LIPH: variants seen among roughly 807,000 people sequenced by gnomAD.
LIPH encodes lipase member H.
Under a neutral mutation model 47.6 loss-of-function variants are expected in LIPH, and 32 were observed. The observed-to-expected ratio is 0.67, with a 90% confidence interval of 0.51 to 0.90. The LOEUF (loss-of-function observed/expected upper bound fraction) is 0.90. Ranked by LOEUF, LIPH falls within the 40% of genes least tolerant of loss-of-function variation. The pLI is 0.00. For missense variants in LIPH, 497 were observed against 541.4 expected (o/e 0.92, Z 0.81); for synonymous variants, 190 against 195.6 (o/e 0.97, Z 0.24).
At chr3:185,529,924 A>AAGAAAGAAAGAGAGAAAGAG (rs1352603835) in intron 3 of LIPH, among the ~76,000 whole-genome samples, 2 of 44,176 alleles carry the variant, frequency 4.5e-5, no homozygotes, top group African/African-American at 1.2e-4. Flanking sequence ...GAAAGAAAGA[A>AAGAAAGAAAGAGAGAAAGAG]AGAAAGAAAG....
chr3:185,522,672 AAGAAAGAAAGAAAGAAAG>A (rs1719943251), intron 5 of LIPH, among the ~76,000 whole-genome samples: 2 of 140,452 alleles, frequency 1.4e-5, no homozygotes, highest in Non-Finnish European at 3.0e-5. Context: ...GAAAGAAAGA[AAGAAAGAAAGAAAGAAAG>A]AAAGAAAGAA....
At chr3:185,547,251 G>A (rs1242248422) in intron 1 of LIPH, among the ~76,000 whole-genome samples, 3 of 152,130 alleles carry the variant, frequency 2.0e-5, no homozygotes, top group African/African-American at 7.2e-5. Context: ...AATTCTGTAG[G>A]ACATGTAGAA....
chr3:185,530,631 C>A (rs1720304881), intron 3 of LIPH, among the ~76,000 whole-genome samples: 1 of 152,002 alleles, frequency 6.6e-6, no homozygotes. Context: ...GATCGTGACA[C>A]TGTAATACAG....
At chr3:185,528,159 G>A (rs1176681683) in intron 3 of LIPH, among the ~76,000 whole-genome samples, 1 of 151,538 alleles carries the variant, frequency 6.6e-6, no homozygotes, top group Non-Finnish European at 1.5e-5. Flanking sequence ...GGGAGGCAGA[G>A]GTTACAGTGA....
intron 1 of LIPH, among the ~76,000 whole-genome samples, chr3:185,539,259 G>T (rs1720625570): frequency 6.6e-6 from 1 of 151,994 alleles, no homozygotes; most frequent in Non-Finnish European, 1.5e-5. Context: ...GAGCCACTGT[G>T]CCCAGCCTCA....
chr3:185,548,493 C>T (rs941902564), intron 1 of LIPH, among the ~76,000 whole-genome samples: 2 of 151,818 alleles, frequency 1.3e-5, no homozygotes, highest in African/African-American at 2.4e-5. Context: ...TTTGGGAGGC[C>T]GAGGTAGGTG....
chr3:185,549,339 C>T (rs1248845532), intron 1 of LIPH, among the ~76,000 whole-genome samples: 1 of 152,104 alleles, frequency 6.6e-6, no homozygotes, highest in Admixed American at 6.6e-5. Flanking sequence ...TGCACATTCA[C>T]ACCCCCTCAT....
chr3:185,541,326 C>T (rs1277194483), intron 1 of LIPH, among the ~76,000 whole-genome samples: 1 of 152,086 alleles, frequency 6.6e-6, no homozygotes, highest in Non-Finnish European at 1.5e-5. Flanking sequence ...TACATACACC[C>T]CTGGAAGCAT....
In LIPH at chr3:185,552,442, C is replaced by A; in HGVS notation, c.30G>T (p.Leu10Phe). The change falls in exon 1 of 10, where the codon TTG (leucine) becomes TTT (phenylalanine). Residue 10 changes from leucine to phenylalanine, a missense_variant. Coordinates refer to ENST00000296252, the MANE Select transcript of LIPH (RefSeq NM_139248.3). ...ACCTACCTGATCTTGACAAGCACAA[C>A]AAACTGATGAATAAGTAGAATCTCA... MLRFYLFISLLCLSRSDAEE... is the reference protein window; with the variant it reads MLRFYLFISFLCLSRSDAEE... 1 of 1,609,386 alleles carries A rather than the reference C, an allele frequency of 6.2e-7. No individual in the cohort carries two copies. Among genetic ancestry groups the A allele is most frequent in the Non-Finnish European group, 8.5e-7 (1 of 1,175,740 alleles).
chr3:185,550,878 A>T (rs995269435), intron 1 of LIPH, among the ~76,000 whole-genome samples: 3 of 151,952 alleles, frequency 2.0e-5, no homozygotes, highest in Non-Finnish European at 1.5e-5. Context: ...ATTTATCTTA[A>T]TTTTTTTAAT....
At chr3:185,521,574 G>A (rs886508439) in intron 5 of LIPH, among the ~76,000 whole-genome samples, 6 of 152,128 alleles carry the variant, frequency 3.9e-5, no homozygotes, top group Admixed American at 2.6e-4. Flanking sequence ...CAAAGGCAAC[G>A]GGGCCTGGCA....
At chr3:185,533,477 C>A in intron 3 of LIPH, 94 bp downstream of exon 3, 2 of 839,670 alleles carry the variant, frequency 2.4e-6, no homozygotes, top group Non-Finnish European at 4.2e-6. Flanking sequence ...TTGGAGCTGG[C>A]TTTGAACCCA....
chr3:185,522,018 T>C (rs1457020153), intron 5 of LIPH, among the ~76,000 whole-genome samples: 4 of 152,150 alleles, frequency 2.6e-5, no homozygotes, highest in African/African-American at 9.7e-5. Flanking sequence ...ACTGCTGAAA[T>C]AGAACCATCA....
intron 3 of LIPH, among the ~76,000 whole-genome samples, chr3:185,531,587 A>T (rs933981498): frequency 6.6e-6 from 1 of 150,884 alleles, no homozygotes; most frequent in African/African-American, 2.4e-5. Flanking sequence ...GAAGACTTAT[A>T]AAAGGACTCC....
At chr3:185,529,617 G>A (rs985184823) in intron 3 of LIPH, among the ~76,000 whole-genome samples, 1 of 151,284 alleles carries the variant, frequency 6.6e-6, no homozygotes, top group Non-Finnish European at 1.5e-5. Flanking sequence ...TCAGCTGGTC[G>A]CAGTGGCTTA....
chr3:185,541,158 T>G (rs1427365687), intron 1 of LIPH, among the ~76,000 whole-genome samples: 3 of 152,234 alleles, frequency 2.0e-5, no homozygotes, highest in African/African-American at 7.2e-5. Context: ...AGTTTCAAAA[T>G]AAATGTTTAA....
chr3:185,545,575 C>T (rs1720845146), intron 1 of LIPH, among the ~76,000 whole-genome samples: 1 of 152,132 alleles, frequency 6.6e-6, no homozygotes, highest in African/African-American at 2.4e-5. Flanking sequence ...GTTTGCCAAC[C>T]CTAGTCTAAT....
chr3:185,514,878 G>C (rs1290191165), intron 7 of LIPH, among the ~76,000 whole-genome samples: 1 of 152,128 alleles, frequency 6.6e-6, no homozygotes, highest in Admixed American at 6.5e-5. Context: ...ACCCTCCAGG[G>C]CTGAGACGGT....
In LIPH at chr3:185,508,674, A is replaced by G. The variant is rs1384846532; in HGVS notation, c.*116T>C. 1 of 776,710 alleles carries G rather than the reference A, an allele frequency of 1.3e-6. No homozygotes were observed. Among genetic ancestry groups the G allele is most frequent in the African/African-American group, 1.7e-5 (1 of 58,666 alleles). 48.1% of individuals were successfully genotyped at this position (776,710 alleles called of 1,614,324 possible). ...GACATCCATAGGACGCTACTGAAAA[A>G]AGCCTTGGTTTTTTTCATACTTTTT... On this transcript the variant is annotated 3_prime_UTR_variant, in exon 10 of 10. Transcript: ENST00000296252.
Sources: gnomAD v4.1 joint callset for allele counts (sites outside exome capture counted in the v4.1 genomes callset) on GRCh38, gnomAD v4.1.1 for gene constraint, MANE v1.5 for transcripts, NCBI Gene and HGNC (gene_info 2026-07-23, HGNC 2026-07-21) for gene names.